RELN: variants seen among roughly 807,000 people sequenced by gnomAD.
The protein encoded by RELN is reelin.
In RELN, 108 loss-of-function variants were observed where a neutral mutation model predicts 427.6. That is an observed-to-expected ratio of 0.25 (90% CI 0.22 to 0.30). RELN has a LOEUF of 0.30. Ranked by LOEUF, RELN falls within the 10% of genes least tolerant of loss-of-function variation. The probability of loss-of-function intolerance (pLI) is 1.00; values close to 1 mark genes in which losing one functional copy is unlikely to be tolerated. For synonymous variants in RELN, 1,524 were observed against 1,513.4 expected (o/e 1.01, Z -0.16); for missense variants, 3,715 against 4,302.8 (o/e 0.86, Z 3.82).
At position 103,865,937 on chromosome 7, in the gene RELN, G is replaced by A. The variant is rs115879737; in HGVS notation, c.338-32265C>T. Among the ~76,000 whole-genome samples, 955 of 152,204 alleles carry A rather than the reference G, an allele frequency of 6.3e-3. 15 individuals are homozygous for A. Among genetic ancestry groups the A allele is most frequent in the African/African-American group, 0.022 (916 of 41,548 alleles). ...TGGGAAACCCTGCACTTATAGTTAAGGTACTTTGATATAACACCTAAATCT... is the reference window on the plus strand; with the variant it reads ...TGGGAAACCCTGCACTTATAGTTAAAGTACTTTGATATAACACCTAAATCT... On this transcript the variant is annotated intron_variant, in intron 2 of 64. Coordinates refer to ENST00000428762, the MANE Select transcript of RELN (RefSeq NM_005045.4).
intron 2 of RELN, among the ~76,000 whole-genome samples, chr7:103,851,861 T>C (rs187704318): frequency 4.6e-5 from 7 of 152,346 alleles, no homozygotes; most frequent in African/African-American, 1.7e-4. Context: ...AAATGAAGTA[T>C]ACTATTCCCT....
chr7:103,472,783 G>T lies in RELN; in HGVS notation c.*29C>A. The T allele has an allele frequency of 6.6e-7, 1 of 1,521,832 alleles. No homozygotes were observed. Among genetic ancestry groups the T allele is most frequent in the Non-Finnish European group, 9.1e-7 (1 of 1,096,306 alleles). The allele number at this position is 1,521,832 out of a possible 1,614,324, so 94.3% of individuals were successfully genotyped here. ...AATGGAGAGCAACACATCACATGTTGGAAGAAAAAAAATAAACTTTTTGAT... is the reference window on the plus strand; with the variant it reads ...AATGGAGAGCAACACATCACATGTTTGAAGAAAAAAAATAAACTTTTTGAT... On this transcript the variant is annotated 3_prime_UTR_variant, in exon 65 of 65. Coordinates refer to ENST00000428762, the MANE Select transcript of RELN (RefSeq NM_005045.4).
chr7:103,698,825 C>G (rs1406385915), intron 9 of RELN, among the ~76,000 whole-genome samples: 1 of 152,040 alleles, frequency 6.6e-6, no homozygotes, highest in Non-Finnish European at 1.5e-5. Context: ...AAGCTGTGAT[C>G]TTAATGTTGG....
At chr7:103,720,968 T>C (rs59196529) in intron 8 of RELN, among the ~76,000 whole-genome samples, 23,404 of 152,130 alleles carry the variant, frequency 0.15, 2,081 homozygotes, top group East Asian at 0.3. Context: ...CATTGTTTCT[T>C]TGCCATTCTA....
intron 46 of RELN, among the ~76,000 whole-genome samples, chr7:103,529,134 CA>C (rs11301890): frequency 0.81 from 119,209 of 146,514 alleles, 48,235 homozygotes; most frequent in South Asian, 0.84. Flanking sequence ...GACTCCATCT[CA>C]AAAAAAAAAA....
chr7:103,587,227 A>C (rs1269925565), intron 28 of RELN, among the ~76,000 whole-genome samples: 1 of 152,218 alleles, frequency 6.6e-6, no homozygotes, highest in East Asian at 1.9e-4. Context: ...ATAAAGCCCC[A>C]GATTTAAAGC....
At chr7:103,741,602 T>A (rs1308471922) in intron 6 of RELN, among the ~76,000 whole-genome samples, 2 of 145,258 alleles carry the variant, frequency 1.4e-5, no homozygotes, top group African/African-American at 2.6e-5. Flanking sequence ...GAAGTAAAAG[T>A]GGGAGAGAAA....
At chr7:103,867,182 T>C (rs1345882279) in intron 2 of RELN, among the ~76,000 whole-genome samples, 1 of 152,124 alleles carries the variant, frequency 6.6e-6, no homozygotes, top group African/African-American at 2.4e-5. Context: ...AACATTTCTG[T>C]GTGGATCTTG....
chr7:103,508,430 A>G (rs1829287847), intron 51 of RELN, among the ~76,000 whole-genome samples: 1 of 152,260 alleles, frequency 6.6e-6, no homozygotes, highest in Non-Finnish European at 1.5e-5. Context: ...GATGCAGAAA[A>G]GGCCTTCGCC....
At chr7:103,545,440 C>T in intron 41 of RELN, 96 bp from the exon 42 acceptor site, 1 of 799,432 alleles carries the variant, frequency 1.3e-6, no homozygotes, top group South Asian at 1.4e-5. Flanking sequence ...CAGCTTCTAC[C>T]TATGCTCAAC....
At position 103,563,005 on chromosome 7, in the gene RELN, C is replaced by T. The variant is rs1372896578; in HGVS notation, c.5211-1052G>A. Among the ~76,000 whole-genome samples, 1 of 152,160 alleles carries T rather than the reference C, an allele frequency of 6.6e-6. No homozygotes were observed. Among genetic ancestry groups the T allele is most frequent in the East Asian group, 1.9e-4 (1 of 5,192 alleles). ...TTCCTGGATTTTGTTCTGGCTTATG[C>T]CAGCACAAATGCCCTTTTGCTCCCC... is the stretch of plus-strand genomic sequence containing the variant. On this transcript the variant is annotated intron_variant, in intron 34 of 64. Transcript: ENST00000428762. This position sits in a 1 kb window ranked among gnomAD's most constrained non-coding sequence, Gnocchi z 4.1.
At chr7:103,605,513 T>G (rs914066583) in intron 22 of RELN, among the ~76,000 whole-genome samples, 7 of 152,226 alleles carry the variant, frequency 4.6e-5, no homozygotes, top group Non-Finnish European at 1.0e-4. Flanking sequence ...TGTCTGTCTA[T>G]TCATTGACTG....
At chr7:103,852,833 C>A (rs1352545904) in intron 2 of RELN, among the ~76,000 whole-genome samples, 1 of 151,950 alleles carries the variant, frequency 6.6e-6, no homozygotes, top group African/African-American at 2.4e-5. Context: ...CATAAGAAAA[C>A]ATCAACAGTT....
chr7:103,820,789 T>A (rs948657693), intron 3 of RELN, among the ~76,000 whole-genome samples: 1 of 152,056 alleles, frequency 6.6e-6, no homozygotes, highest in African/African-American at 2.4e-5. Context: ...TATCCAGAAC[T>A]GGGGTTGACA....
At chr7:103,594,625 G>A (rs543420448) in intron 25 of RELN, 133 bp from the exon 26 acceptor site, 101 of 929,484 alleles carry the variant, frequency 1.1e-4, no homozygotes, top group African/African-American at 4.3e-4. Context: ...CCAAAAGCCC[G>A]TAAGTTTGGA....
chr7:103,559,857 T>C (rs1034912251), intron 36 of RELN, among the ~76,000 whole-genome samples: 5 of 152,212 alleles, frequency 3.3e-5, no homozygotes, highest in African/African-American at 1.2e-4. Context: ...ATTCAGGTAA[T>C]AAATATCCCT....
chr7:103,760,922 C>T (rs1165229161), intron 4 of RELN, among the ~76,000 whole-genome samples: 1 of 151,986 alleles, frequency 6.6e-6, no homozygotes, highest in Non-Finnish European at 1.5e-5. Context: ...TATTTTATTG[C>T]AATAAAGCAC....
At chr7:103,491,846 T>TCACA (rs1381747766) in intron 58 of RELN, 107 bp downstream of exon 58, 236 of 609,446 alleles carry the variant, frequency 3.9e-4, no homozygotes, top group South Asian at 2.2e-3. Context: ...TCTCTCTCTC[T>TCACA]CTCTCTCTCT....
In RELN at chr7:103,610,816, A is replaced by G; in HGVS notation, c.2896-9T>C. On this transcript the variant is annotated splice_polypyrimidine_tract_variant and intron_variant, in intron 21 of 64. Transcript: ENST00000428762. ...ATACTTGGAAGGCATTCCTGAAAGA[A>G]AGTTAGGCACAAATCAAACCCAGCT... 6.6e-7 allele frequency: 1 copy of G among 1,506,626 alleles called. No individual in the cohort carries two copies. The highest frequency in any genetic ancestry group is 9.2e-7 in the Non-Finnish European group (1 of 1,082,220). The allele number at this position is 1,506,626 out of a possible 1,614,324, so 93.3% of individuals were successfully genotyped here.
Sources: gnomAD v4.1 joint callset for allele counts (sites outside exome capture counted in the v4.1 genomes callset) on GRCh38, gnomAD v4.1.1 for gene constraint, Gnocchi (gnomAD v3.1) non-coding constraint, MANE v1.5 for transcripts, NCBI Gene and HGNC (gene_info 2026-07-23, HGNC 2026-07-21) for gene names.